FGF13: variants seen among roughly 807,000 people sequenced by gnomAD.
FGF13 encodes the protein fibroblast growth factor homologous factor 2.
FGF13 carries 2 observed loss-of-function variants against 19.5 expected under a neutral mutation model. That is an observed-to-expected ratio of 0.10 (90% confidence interval 0.04 to 0.32). The LOEUF (loss-of-function observed/expected upper bound fraction) is 0.32, where lower values mean the gene tolerates loss of function less well. Ranked by LOEUF, FGF13 falls within the 10% of genes least tolerant of loss-of-function variation. The probability of loss-of-function intolerance (pLI) is 1.00; values close to 1 mark genes in which losing one functional copy is unlikely to be tolerated. For missense variants in FGF13, 113 were observed against 192.7 expected (o/e 0.59, Z 2.45); for synonymous variants, 72 against 76.9 (o/e 0.94, Z 0.33).
intron 2 of FGF13, among the ~76,000 whole-genome samples, chrX:138,863,085 C>T: frequency 9.0e-6 from 1 of 110,866 alleles, no homozygotes; most frequent in Non-Finnish European, 1.9e-5. Context: ...TCAAGTGGCC[C>T]CTTTATGTCC....
intron 1 of FGF13, among the ~76,000 whole-genome samples, chrX:138,867,869 G>A (rs1026442099): frequency 1.9e-4 from 21 of 109,171 alleles, no homozygotes; most frequent in African/African-American, 7.0e-4. Context: ...AGTAACTGAA[G>A]CTGAATTCAA....
chrX:138,697,040 G>A, intron 3 of FGF13, among the ~76,000 whole-genome samples: 1 of 111,973 alleles, frequency 8.9e-6, no homozygotes, highest in Non-Finnish European at 1.9e-5. Flanking sequence ...TGCAATATGT[G>A]TTGAAAAATT....
At chrX:138,877,442 TA>T (rs1358451506) in intron 1 of FGF13, among the ~76,000 whole-genome samples, 2 of 111,936 alleles carry the variant, frequency 1.8e-5, no homozygotes, top group Non-Finnish European at 3.8e-5. Context: ...TGGTAAAATA[TA>T]TACAGCGTGA....
intron 4 of FGF13, among the ~76,000 whole-genome samples, chrX:138,634,863 A>C (rs2089164468): frequency 8.9e-6 from 1 of 112,256 alleles, no homozygotes; most frequent in South Asian, 3.7e-4. Flanking sequence ...AACTAAAAGT[A>C]GCATTGGATC....
At chrX:139,070,954 AG>A (rs991789406) in intron 1 of FGF13, among the ~76,000 whole-genome samples, 2 of 110,644 alleles carry the variant, frequency 1.8e-5, no homozygotes, top group African/African-American at 6.6e-5. Flanking sequence ...ACATGGACAC[AG>A]GGAGGGGAAC....
At chrX:138,673,531 T>C (rs924273936) in intron 3 of FGF13, among the ~76,000 whole-genome samples, 12 of 111,624 alleles carry the variant, frequency 1.1e-4, no homozygotes, top group African/African-American at 3.9e-4. Flanking sequence ...ACCCAGTTTT[T>C]CTTGGCTTGG....
intron 1 of FGF13, among the ~76,000 whole-genome samples, chrX:139,096,032 C>T (rs1285833191): frequency 8.9e-6 from 1 of 111,947 alleles, no homozygotes; most frequent in African/African-American, 3.2e-5. Context: ...GAAATCTTCA[C>T]ATTACTCCAG....
At chrX:138,940,625 G>A (rs1445599968) in intron 1 of FGF13, among the ~76,000 whole-genome samples, 1 of 111,642 alleles carries the variant, frequency 9.0e-6, no homozygotes, top group Non-Finnish European at 1.9e-5. Context: ...TAAGGAAGGG[G>A]TCAAGTTTCA....
At chrX:139,088,634 C>T (rs1371676685) in intron 1 of FGF13, among the ~76,000 whole-genome samples, 1 of 110,970 alleles carries the variant, frequency 9.0e-6, no homozygotes. Flanking sequence ...GAAAGGACTG[C>T]CAGTGATATG....
rs1054504488 is a variant in FGF13, at chrX:138,617,192, G to A, written c.*15658C>T. On this transcript the variant is annotated 3_prime_UTR_variant, in exon 5 of 5. Transcript: ENST00000315930. ...ATGAATTGATATACCTAACAGGTTT[G>A]TATATGATACAGTATATAATTTTAG... The A allele has an allele frequency of 8.9e-6, 1 of 111,764 alleles. No individual in the cohort carries two copies. The allele number at this position is 111,764 out of a possible 1,213,427, so 9.2% of individuals were successfully genotyped here. A position where few individuals can be genotyped will look rare whatever the true frequency, so the allele number is the denominator to read the frequency against.
At chrX:139,030,692 T>C (rs1288181527) in intron 1 of FGF13, among the ~76,000 whole-genome samples, 1 of 111,664 alleles carries the variant, frequency 9.0e-6, no homozygotes, top group Admixed American at 9.5e-5. Context: ...TCCCTCCATG[T>C]GGCCTCTTCC....
intron 1 of FGF13, among the ~76,000 whole-genome samples, chrX:139,137,640 C>T (rs1317443524): frequency 8.9e-6 from 1 of 111,885 alleles, no homozygotes; most frequent in Non-Finnish European, 1.9e-5. Flanking sequence ...ACCCTCAGGC[C>T]CTAATTGAGG....
rs145477327 is a variant in FGF13, at chrX:138,794,497, T to A, written c.217+63015A>T. 2.0e-3 allele frequency among the ~76,000 whole-genome samples: 221 copies of A among 111,802 alleles called. 1 individual carries two copies. The highest frequency in any genetic ancestry group is 6.5e-3 in the African/African-American group (201 of 30,788). ...GTGACATTTACATTGCGACATCATA[T>A]GATTCAGCTCATCTGTTTCACTCAG... On this transcript the variant is annotated intron_variant, in intron 3 of 6. Transcript: ENST00000436198.
chrX:138,859,041 C>T (rs994183820), intron 2 of FGF13, among the ~76,000 whole-genome samples: 4 of 112,065 alleles, frequency 3.6e-5, no homozygotes, highest in Non-Finnish European at 5.6e-5. Context: ...AGTCAGTTCT[C>T]TATTTCCCTC....
Position 138,984,504 on chromosome X carries a change from A to AAGG in FGF13, c.-112-119855_-112-119854insCCT, listed in dbSNP as rs1491173597. ...GGAGAAGAAGGAGAAGGAGAAGGAG[A>AAGG]AGAAGAGGAAGAAGAAGAGGAAGAA... is the stretch of plus-strand genomic sequence containing the variant. On this transcript the variant is annotated intron_variant, in intron 1 of 2. Coordinates refer to the FGF13 transcript ENST00000421460. Among the ~76,000 whole-genome samples, 105 of 44,722 alleles carry AAGG rather than the reference A, an allele frequency of 2.3e-3. 2 individuals are homozygous for AAGG. The highest frequency in any genetic ancestry group is 3.8e-3 in the Non-Finnish European group (90 of 23,458). 38.8% of individuals were successfully genotyped at this position (44,722 alleles called of 115,157 possible). A position where few individuals can be genotyped will look rare whatever the true frequency, so the allele number is the denominator to read the frequency against.
At chrX:138,715,066 T>C (rs773737435), upstream of FGF13, among the ~76,000 whole-genome samples, 3 of 112,106 alleles carry the variant, frequency 2.7e-5, no homozygotes, top group African/African-American at 3.2e-5. Context: ...TCCCTGGTGG[T>C]TCAAACTCTT....
intron 2 of FGF13, among the ~76,000 whole-genome samples, chrX:138,707,826 T>C (rs912628355): frequency 3.6e-5 from 4 of 112,016 alleles, no homozygotes; most frequent in Non-Finnish European, 7.5e-5. Flanking sequence ...GGGAAACTCT[T>C]TACACTTATT....
chrX:138,662,560 T>A lies in FGF13; in HGVS notation c.403-26905A>T, dbSNP rs752598174. Among the ~76,000 whole-genome samples, 50 of 111,689 alleles carry A rather than the reference T, an allele frequency of 4.5e-4. 1 individual carries two copies. Among genetic ancestry groups the A allele is most frequent in the Non-Finnish European group, 8.3e-4 (44 of 53,078 alleles). On this transcript the variant is annotated intron_variant, in intron 3 of 4. Transcript: ENST00000315930. ...AGAAAATTTCCGTTTTTAAATGGAA[T>A]GAAGCATGTAACCCATGGCAGACGC... is the stretch of plus-strand genomic sequence containing the variant.
rs190846811 is a variant in FGF13 at position 139,044,459 on chromosome X, C to G, written c.-113+158957G>C. 2.7e-5 allele frequency among the ~76,000 whole-genome samples: 3 copies of G among 111,382 alleles called. No homozygotes were observed. In the Admixed American group the frequency reaches 2.9e-4, roughly 11 times the overall value. ...ACAGCACCAGTCCATGAGACATCTG[C>G]CCCCATGATCTATACACCCACCAGG... On this transcript the variant is annotated intron_variant, in intron 1 of 2. Coordinates refer to the FGF13 transcript ENST00000421460.
Sources: gnomAD v4.1 joint callset for allele counts (sites outside exome capture counted in the v4.1 genomes callset) on GRCh38, gnomAD v4.1.1 for gene constraint, MANE v1.5 for transcripts, NCBI Gene and HGNC (gene_info 2026-07-23, HGNC 2026-07-21) for gene names.